The following KHDRBS2 variants were observed in gnomAD, a reference collection of about 807,000 sequenced individuals.
KHDRBS2 encodes the protein KH RNA binding domain containing, signal transduction associated 2, also known as KH domain-containing, RNA-binding, signal transduction-associated protein 2.
In KHDRBS2, 26 loss-of-function variants were observed where a neutral mutation model predicts 44.3. The ratio of observed to expected loss-of-function variants is 0.59; its 90% confidence interval spans 0.43 to 0.81. The LOEUF is 0.81. Among genes scored for constraint, KHDRBS2 ranks in the 40% least tolerant of loss-of-function variants. KHDRBS2 has a pLI of 0.00. For synonymous variants in KHDRBS2, 194 were observed against 151.1 expected, an observed-to-expected ratio of 1.28 and a Z score of -2.08; for missense variants, 476 against 433.1, an observed-to-expected ratio of 1.10 and a Z score of -0.88.
intron 6 of KHDRBS2, among the ~76,000 whole-genome samples, chr6:61,754,795 A>T (rs1480743009): frequency 1.3e-5 from 2 of 152,140 alleles, no homozygotes; most frequent in African/African-American, 2.4e-5. Flanking sequence ...AGATGCATAC[A>T]TTTAGGGATA....
At chr6:61,708,934 A>T (rs2344110) in intron 7 of KHDRBS2, among the ~76,000 whole-genome samples, 54,240 of 151,334 alleles carry the variant, frequency 0.36, 10,428 homozygotes, top group East Asian at 0.49. Flanking sequence ...GAATCCAAAA[A>T]CAGTATTTGA....
At chr6:61,723,542 C>A (rs544844892) in intron 7 of KHDRBS2, among the ~76,000 whole-genome samples, 99 of 151,908 alleles carry the variant, frequency 6.5e-4, no homozygotes, top group Middle Eastern at 3.4e-3. Flanking sequence ...GAGAAAGACT[C>A]CATCTCAAAA....
intron 4 of KHDRBS2, among the ~76,000 whole-genome samples, chr6:61,937,470 G>A (rs569548133): frequency 6.6e-6 from 1 of 151,936 alleles, no homozygotes; most frequent in African/African-American, 2.4e-5. Context: ...CATGTGTTTT[G>A]TAATATTTTA....
At chr6:61,820,642 A>G (rs1789750456) in intron 6 of KHDRBS2, among the ~76,000 whole-genome samples, 1 of 151,960 alleles carries the variant, frequency 6.6e-6, no homozygotes. Flanking sequence ...TGTCAGGAAT[A>G]ATTTTTGCTC....
intron 4 of KHDRBS2, among the ~76,000 whole-genome samples, chr6:61,940,719 G>A (rs1017105762): frequency 1.3e-5 from 2 of 152,170 alleles, no homozygotes; most frequent in Non-Finnish European, 2.9e-5. Flanking sequence ...TGCAATATAA[G>A]AGTGGCTTCT....
At chr6:61,709,954 A>C (rs530935285) in intron 7 of KHDRBS2, among the ~76,000 whole-genome samples, 1 of 151,584 alleles carries the variant, frequency 6.6e-6, no homozygotes, top group African/African-American at 2.4e-5. Flanking sequence ...TTGCTACTGA[A>C]TTCATTGGTG....
chr6:61,914,736 T>A (rs1284013946), intron 4 of KHDRBS2, among the ~76,000 whole-genome samples: 1 of 152,146 alleles, frequency 6.6e-6, no homozygotes, highest in Admixed American at 6.6e-5. Flanking sequence ...GTGATTTCTG[T>A]CTTCTGTAGA....
chr6:61,590,599 C>T, the KHDRBS2 span, among the ~76,000 whole-genome samples: 3 of 152,100 alleles, frequency 2.0e-5, no homozygotes, highest in African/African-American at 7.2e-5. Flanking sequence ...CACAGTAGGA[C>T]TTCTCTTCTT....
intron 6 of KHDRBS2, among the ~76,000 whole-genome samples, chr6:61,853,086 G>A (rs1169217401): frequency 1.3e-5 from 2 of 152,108 alleles, no homozygotes; most frequent in African/African-American, 4.8e-5. Context: ...TATGAACACA[G>A]ATTCTTTTGT....
At chr6:61,887,421 G>A (rs548949223) in intron 6 of KHDRBS2, among the ~76,000 whole-genome samples, 13 of 151,986 alleles carry the variant, frequency 8.6e-5, no homozygotes, top group South Asian at 6.2e-4. Flanking sequence ...AAATTTACTC[G>A]TCTTAGCAGA....
At chr6:61,909,152 C>T (rs2127349570) in intron 4 of KHDRBS2, among the ~76,000 whole-genome samples, 2 of 151,812 alleles carry the variant, frequency 1.3e-5, no homozygotes, top group East Asian at 3.9e-4. Flanking sequence ...CTACAAACTC[C>T]ACCTCCTAGG....
At chr6:61,885,377 G>C (rs1800800400) in intron 6 of KHDRBS2, among the ~76,000 whole-genome samples, 1 of 152,116 alleles carries the variant, frequency 6.6e-6, no homozygotes, top group African/African-American at 2.4e-5. Flanking sequence ...TCATAGCTGA[G>C]CTGAATGATA....
chr6:61,631,527 C>T, the KHDRBS2 span, among the ~76,000 whole-genome samples: 3,721 of 152,046 alleles, frequency 0.024, 70 homozygotes, highest in Middle Eastern at 0.088. Context: ...TGTTGAATTG[C>T]GACAAGTAAT....
At chr6:61,586,541 A>G in the KHDRBS2 span, among the ~76,000 whole-genome samples, 1 of 152,170 alleles carries the variant, frequency 6.6e-6, no homozygotes, top group Non-Finnish European at 1.5e-5. Flanking sequence ...AGAATCCAAC[A>G]TTCTTGGCAA....
the KHDRBS2 span, among the ~76,000 whole-genome samples, chr6:61,551,593 T>C: frequency 1.3e-5 from 2 of 152,216 alleles, no homozygotes; most frequent in Non-Finnish European, 2.9e-5. Flanking sequence ...GCTAGCCAGT[T>C]ACCCAGCACC....
chr6:62,138,903 G>A (rs763686861), intron 2 of KHDRBS2, among the ~76,000 whole-genome samples: 18 of 151,966 alleles, frequency 1.2e-4, no homozygotes, highest in Admixed American at 2.6e-4. Context: ...AAGTAAGAGT[G>A]TAAAATTGGT....
intron 8 of KHDRBS2, among the ~76,000 whole-genome samples, chr6:61,692,397 G>T (rs1767466811): frequency 6.6e-6 from 1 of 151,588 alleles, no homozygotes. Flanking sequence ...ATATTTATAA[G>T]ATAATTATAT....
intron 2 of KHDRBS2, among the ~76,000 whole-genome samples, chr6:62,064,787 T>A (rs1793107784): frequency 6.6e-6 from 1 of 151,974 alleles, no homozygotes; most frequent in African/African-American, 2.4e-5. Context: ...AAATGGGATC[T>A]AATTAAACTA....
At chr6:61,776,894 T>C (rs533112768) in intron 6 of KHDRBS2, among the ~76,000 whole-genome samples, 1 of 152,150 alleles carries the variant, frequency 6.6e-6, no homozygotes, top group African/African-American at 2.4e-5. Flanking sequence ...AACCTAAATG[T>C]CCAACAACGA....
Sources: gnomAD v4.1 joint callset for allele counts (sites outside exome capture counted in the v4.1 genomes callset) on GRCh38, gnomAD v4.1.1 for gene constraint, MANE v1.5 for transcripts, NCBI Gene and HGNC (gene_info 2026-07-23, HGNC 2026-07-21) for gene names.